The following NT5C2 variants were observed in gnomAD, a reference collection of about 807,000 sequenced individuals.
NT5C2 encodes 5'-nucleotidase, cytosolic II.
Under a neutral mutation model 76.1 loss-of-function variants are expected in NT5C2, and 58 were observed. That is an observed-to-expected ratio of 0.76 (90% CI 0.62 to 0.95). NT5C2 has a LOEUF of 0.95. NT5C2 is among the 40% of genes least tolerant of loss of function. The pLI is 0.00. For synonymous variants in NT5C2, 229 were observed against 237.4 expected (o/e 0.96, Z 0.32); for missense variants, 478 against 690.3 (o/e 0.69, Z 3.45).
chr10:103,176,832 A>C (rs934509231), intron 2 of NT5C2, among the ~76,000 whole-genome samples: 4 of 151,990 alleles, frequency 2.6e-5, no homozygotes, highest in African/African-American at 9.7e-5. Flanking sequence ...TAAATATCTT[A>C]CTCATGTGGA....
chr10:103,121,560 TG>T (rs1187603619), intron 4 of NT5C2, among the ~76,000 whole-genome samples: 1 of 152,136 alleles, frequency 6.6e-6, no homozygotes, highest in Admixed American at 6.5e-5. Flanking sequence ...AAGATCAGAG[TG>T]CATCTACTAT....
intron 13 of NT5C2, 36 bp from the exon 14 acceptor site, chr10:103,094,074 A>G (rs1458003613): frequency 6.5e-7 from 1 of 1,548,410 alleles, no homozygotes; most frequent in Non-Finnish European, 8.9e-7. Flanking sequence ...ATACTTTATC[A>G]TCCTATCACA....
chr10:103,189,908 G>GGTCATTCACTCCGCTCTA, intron 1 of NT5C2, among the ~76,000 whole-genome samples: 1 of 151,326 alleles, frequency 6.6e-6, no homozygotes. Context: ...GACCTCAGGT[G>GGTCATTCACTCCGCTCTA]ATCCACCTGC....
chr10:103,105,636 G>A, intron 6 of NT5C2, 70 bp downstream of exon 6: 2 of 974,616 alleles, frequency 2.1e-6, no homozygotes, highest in Non-Finnish European at 3.2e-6. Flanking sequence ...ATTACATCTG[G>A]GGAGATGATG....
At chr10:103,114,718 GTCTATTCA>G (rs2073932734) in intron 4 of NT5C2, among the ~76,000 whole-genome samples, 1 of 152,120 alleles carries the variant, frequency 6.6e-6, no homozygotes, top group Non-Finnish European at 1.5e-5. Context: ...AATACTGTCA[GTCTATTCA>G]TCCCAAGAAA....
chr10:103,105,778 TAC>T lies in NT5C2; in HGVS notation c.315_316del (p.Tyr106TrpfsTer20). The T allele has an allele frequency of 6.2e-7, 1 of 1,613,012 alleles. No individual in the cohort carries two copies. Among genetic ancestry groups the T allele is most frequent in the Non-Finnish European group, 8.5e-7 (1 of 1,179,174 alleles). On this transcript the variant is annotated frameshift_variant, in exon 6 of 19. Transcript: ENST00000404739. LOFTEE classifies it high-confidence loss of function. ...GGCATCGACTTTCAAAAGATTTCCA[TAC>T]AGTGTGTCAAAGACAAGTCCCCTAT...
intron 12 of NT5C2, among the ~76,000 whole-genome samples, 159 bp downstream of exon 12, chr10:103,095,780 C>T (rs538724717): frequency 6.6e-6 from 1 of 152,208 alleles, no homozygotes; most frequent in Non-Finnish European, 1.5e-5. Flanking sequence ...TCTACTAGCT[C>T]CTGGATTACT....
intron 3 of NT5C2, among the ~76,000 whole-genome samples, chr10:103,172,270 G>A (rs1361222881): frequency 2.8e-5 from 4 of 143,000 alleles, no homozygotes; most frequent in East Asian, 4.1e-4. Context: ...TTTTTGAGAC[G>A]GAGTCTCGCT....
chr10:103,107,288 C>A (rs756951580), intron 4 of NT5C2, among the ~76,000 whole-genome samples: 6 of 152,100 alleles, frequency 3.9e-5, no homozygotes, highest in Non-Finnish European at 8.8e-5. Flanking sequence ...TGTATGCCAT[C>A]AAAATTGTAT....
chr10:103,147,721 T>C (rs369756532), intron 3 of NT5C2, among the ~76,000 whole-genome samples: 1 of 152,156 alleles, frequency 6.6e-6, no homozygotes, highest in Non-Finnish European at 1.5e-5. Context: ...ACACCTAACA[T>C]AGGGCCTTGT....
chr10:103,168,046 C>G (rs987737046), intron 3 of NT5C2, among the ~76,000 whole-genome samples: 2 of 150,896 alleles, frequency 1.3e-5, no homozygotes, highest in Non-Finnish European at 2.9e-5. Context: ...TTAGAAGAAA[C>G]GATTATTCAA....
chr10:103,164,675 T>C (rs191288348), intron 3 of NT5C2, among the ~76,000 whole-genome samples: 95 of 152,244 alleles, frequency 6.2e-4, no homozygotes, highest in African/African-American at 1.9e-3. Context: ...AAGAACAAAT[T>C]ACTGATACAA....
intron 2 of NT5C2, among the ~76,000 whole-genome samples, chr10:103,176,539 G>A (rs943276437): frequency 2.0e-5 from 3 of 152,110 alleles, no homozygotes; most frequent in Non-Finnish European, 2.9e-5. Flanking sequence ...CTGGCACTTG[G>A]GCTGAAAAGG....
chr10:103,124,773 T>A (rs572828592), intron 4 of NT5C2, among the ~76,000 whole-genome samples: 1 of 151,882 alleles, frequency 6.6e-6, no homozygotes, highest in South Asian at 2.1e-4. Flanking sequence ...ACCATGAGGT[T>A]TTTTTCCACC....
intron 3 of NT5C2, among the ~76,000 whole-genome samples, chr10:103,170,605 G>A (rs765683410): frequency 2.1e-5 from 3 of 145,662 alleles, no homozygotes; most frequent in East Asian, 2.0e-4. Flanking sequence ...TCACTACAGC[G>A]TCCACCTCTC....
intron 6 of NT5C2, among the ~76,000 whole-genome samples, chr10:103,104,920 C>G (rs549182855): frequency 6.6e-6 from 1 of 152,154 alleles, no homozygotes; most frequent in Non-Finnish European, 1.5e-5. Flanking sequence ...TCTGGTTTTA[C>G]GAGCTGTTGT....
intron 4 of NT5C2, among the ~76,000 whole-genome samples, chr10:103,129,732 C>T (rs1444603079): frequency 4.7e-5 from 5 of 105,290 alleles, no homozygotes; most frequent in East Asian, 3.3e-4. Flanking sequence ...CCCGGCCAGC[C>T]GCCCCGTCCG....
At chr10:103,186,855 G>A (rs1194490917) in intron 1 of NT5C2, among the ~76,000 whole-genome samples, 1 of 150,698 alleles carries the variant, frequency 6.6e-6, no homozygotes, top group Non-Finnish European at 1.5e-5. Context: ...GGAGGCTGCA[G>A]TGAGCTGACA....
At chr10:103,129,940 GC>G (rs1450720222) in intron 4 of NT5C2, among the ~76,000 whole-genome samples, 2 of 97,918 alleles carry the variant, frequency 2.0e-5, no homozygotes, top group Non-Finnish European at 2.2e-5. Flanking sequence ...GGGGGGGTCA[GC>G]CCCCCCGCCC....
Sources: allele counts gnomAD v4.1 joint callset (sites outside exome capture counted in the v4.1 genomes callset), GRCh38; gene constraint gnomAD v4.1.1; transcripts MANE v1.5; gene names NCBI Gene and HGNC (gene_info 2026-07-23, HGNC 2026-07-21).